The following SPEN variants were observed in gnomAD, a reference collection of about 807,000 sequenced individuals.
The protein encoded by SPEN is spen family transcriptional repressor.
A neutral mutation model predicts 269.9 loss-of-function variants in SPEN; 18 were observed. That is an observed-to-expected ratio of 0.07 (90% confidence interval 0.05 to 0.10). SPEN has a LOEUF of 0.10. Among genes scored for constraint, SPEN ranks in the 10% least tolerant of loss-of-function variants. The pLI, the probability that SPEN is intolerant of heterozygous loss-of-function variation, is 1.00. For synonymous variants in SPEN, 1,726 were observed against 1,765.7 expected (o/e 0.98, Z 0.56); for missense variants, 3,822 against 4,631.2 (o/e 0.83, Z 5.07).
In SPEN at chr1:15,848,473, G is replaced by A. The variant is rs921463135; in HGVS notation, c.83+323G>A. On this transcript the variant is annotated intron_variant, in intron 1 of 14. Coordinates refer to ENST00000375759, the MANE Select transcript of SPEN (RefSeq NM_015001.3). This position sits in a 1 kb window ranked among gnomAD's most constrained non-coding sequence, Gnocchi z 5.1. Reference sequence around the variant, plus strand: ...CCCTCGCGTCAGCCCGGGAGTCGGTGGGAGATGCGCTGGGCGGCGGGGTCG... The same window carrying A: ...CCCTCGCGTCAGCCCGGGAGTCGGTAGGAGATGCGCTGGGCGGCGGGGTCG... Among the ~76,000 whole-genome samples the A allele has an allele frequency of 6.6e-6, 1 of 151,378 alleles. No homozygotes were observed. Among genetic ancestry groups the A allele is most frequent in the Non-Finnish European group, 1.5e-5 (1 of 67,954 alleles).
At chr1:15,936,942 C>G (rs774727322) in intron 11 of SPEN, among the ~76,000 whole-genome samples, 2 of 152,096 alleles carry the variant, frequency 1.3e-5, no homozygotes, top group Non-Finnish European at 2.9e-5. Flanking sequence ...GGGGAGGGAG[C>G]TCTTGCTGGG....
intron 3 of SPEN, among the ~76,000 whole-genome samples, chr1:15,907,141 A>T (rs1270640898): frequency 3.3e-5 from 5 of 152,162 alleles, no homozygotes; most frequent in Non-Finnish European, 7.4e-5. Flanking sequence ...TTCTAGAAAC[A>T]TCTTTAGTTT....
chr1:15,854,108 T>C (rs1331891046), intron 1 of SPEN, among the ~76,000 whole-genome samples: 1 of 152,140 alleles, frequency 6.6e-6, no homozygotes, highest in Non-Finnish European at 1.5e-5. Context: ...GCCTGCTTGC[T>C]TTTATTTTTA....
intron 1 of SPEN, among the ~76,000 whole-genome samples, chr1:15,866,595 T>C (rs1254346298): frequency 6.6e-6 from 1 of 152,208 alleles, no homozygotes. Context: ...CCTCGTGATC[T>C]GCCTGCCTGG....
chr1:15,887,065 TC>T (rs1299883243), intron 3 of SPEN, among the ~76,000 whole-genome samples: 1 of 151,046 alleles, frequency 6.6e-6, no homozygotes, highest in Non-Finnish European at 1.5e-5. Flanking sequence ...AGCCTTGACT[TC>T]CTGGGCTCAA....
Position 15,933,860 on chromosome 1 carries a change from C to T in SPEN, c.7620C>T (p.Asp2540=), listed in dbSNP as rs1306149614. ...SSSTLRKILM[D]PKYVSATSVT... ...GCACCCTGAGGAAGATTCTCATGGA[C>T]CCCAAGTATGTGTCTGCCACAAGTG... Residue 2540 remains aspartate (D), a synonymous_variant, in exon 11 of 15, where the codon GAC becomes GAT. Transcript: ENST00000375759. The surrounding 1 kb of genome is among the most constrained non-coding windows in gnomAD (Gnocchi z 5.7). 6.2e-7 allele frequency: 1 copy of T among 1,613,660 alleles called. No homozygotes were observed. Among genetic ancestry groups the T allele is most frequent in the Admixed American group, 1.7e-5 (1 of 60,022 alleles).
At chr1:15,863,478 A>G (rs1330284654) in intron 1 of SPEN, among the ~76,000 whole-genome samples, 3 of 152,162 alleles carry the variant, frequency 2.0e-5, no homozygotes, top group Admixed American at 1.3e-4. Flanking sequence ...GGTTGAATTA[A>G]GCTTATTCTT....
chr1:15,891,777 G>T (rs72649629), intron 3 of SPEN, among the ~76,000 whole-genome samples: 1,740 of 151,610 alleles, frequency 0.011, 24 homozygotes, highest in Non-Finnish European at 0.014. Context: ...TGCATGAGCC[G>T]CTGTACCTGG....
intron 1 of SPEN, among the ~76,000 whole-genome samples, chr1:15,860,163 G>A (rs971671040): frequency 6.6e-6 from 1 of 151,434 alleles, no homozygotes; most frequent in Non-Finnish European, 1.5e-5. Flanking sequence ...CGCCCGCCTC[G>A]GCCTCCCAAA....
At chr1:15,896,931 G>C (rs763359212) in intron 3 of SPEN, among the ~76,000 whole-genome samples, 28 of 152,154 alleles carry the variant, frequency 1.8e-4, no homozygotes, top group Non-Finnish European at 4.0e-4. Context: ...GTGCACCTCT[G>C]CACTCCAGCC....
chr1:15,857,932 A>G (rs777652620), intron 1 of SPEN, among the ~76,000 whole-genome samples: 17 of 152,208 alleles, frequency 1.1e-4, no homozygotes, highest in Non-Finnish European at 1.5e-4. Flanking sequence ...GATCGAGACC[A>G]TCCTGGCCAA....
At position 15,872,826 on chromosome 1, in the gene SPEN, G is replaced by T; in HGVS notation, c.94G>T (p.Val32Leu). 1 of 1,489,858 alleles carries T rather than the reference G, an allele frequency of 6.7e-7. No individual in the cohort carries two copies. The highest frequency in any genetic ancestry group is 9.0e-7 in the Non-Finnish European group (1 of 1,112,458). The allele number at this position is 1,489,858 out of a possible 1,614,324, so 92.3% of individuals were successfully genotyped here. ...IIEHFKRYGR[V>L]ESVKILPKRG... ...CTTTATTTTTTCCAGATATGGCCGCGTGGAAAGTGTCAAAATTCTTCCCAA... is the reference window on the plus strand; with the variant it reads ...CTTTATTTTTTCCAGATATGGCCGCTTGGAAAGTGTCAAAATTCTTCCCAA... Residue 32 changes from valine to leucine, a missense_variant, in exon 2 of 15, where the codon GTG (valine) becomes TTG (leucine). By Grantham distance (32) the Val-to-Leu change is conservative. Transcript: ENST00000375759.
At chr1:15,886,479 G>C (rs1403160963) in intron 3 of SPEN, among the ~76,000 whole-genome samples, 1 of 152,180 alleles carries the variant, frequency 6.6e-6, no homozygotes, top group African/African-American at 2.4e-5. Flanking sequence ...GTCCAGGGGC[G>C]GGGCGCAGGG....
In SPEN at chr1:15,932,263, C is replaced by T. The variant is rs2071229316; in HGVS notation, c.6023C>T (p.Ala2008Val). The change falls in exon 11 of 15, where the codon GCT (alanine) becomes GTT (valine). Residue 2008 changes from alanine (A) to valine (V), a missense_variant. This residue lies in a region of SPEN where 727 missense variants were observed against 737.9 expected (regional missense o/e 0.99). Coordinates refer to ENST00000375759, the MANE Select transcript of SPEN (RefSeq NM_015001.3). The surrounding 1 kb of genome is among the most constrained non-coding windows in gnomAD (Gnocchi z 4.2). ...GGAAAAAATGAACCGAAGGTGGATG[C>T]TACACGTCCTGAGGCCACCACTGAG... Reference protein sequence around the residue: ...KKGKNEPKVDATRPEATTEVG... With the variant: ...KKGKNEPKVDVTRPEATTEVG... 6.2e-7 allele frequency: 1 copy of T among 1,610,530 alleles called. No individual in the cohort carries two copies. The highest frequency in any genetic ancestry group is 1.7e-5 in the Admixed American group (1 of 59,096).
At chr1:15,865,128 C>T (rs1461080614) in intron 1 of SPEN, among the ~76,000 whole-genome samples, 3 of 151,286 alleles carry the variant, frequency 2.0e-5, no homozygotes, top group Admixed American at 6.6e-5. Context: ...CTCAGCTTAC[C>T]GCAACCTCCG....
intron 3 of SPEN, among the ~76,000 whole-genome samples, chr1:15,890,703 C>A: frequency 6.6e-6 from 1 of 151,956 alleles, no homozygotes; most frequent in Non-Finnish European, 1.5e-5. Flanking sequence ...CAGCATTTTG[C>A]AACCATCACC....
At chr1:15,879,789 G>A (rs2070669444) in intron 3 of SPEN, among the ~76,000 whole-genome samples, 1 of 151,824 alleles carries the variant, frequency 6.6e-6, no homozygotes, top group Non-Finnish European at 1.5e-5. Flanking sequence ...TTCTGCCTCA[G>A]CCTCTCGAGT....
At chr1:15,882,346 C>T (rs951199575) in intron 3 of SPEN, among the ~76,000 whole-genome samples, 2 of 151,498 alleles carry the variant, frequency 1.3e-5, no homozygotes, top group Non-Finnish European at 3.0e-5. Flanking sequence ...ATTGGATTCC[C>T]GCCCCCCCAA....
At chr1:15,891,713 C>T (rs2070790938) in intron 3 of SPEN, among the ~76,000 whole-genome samples, 1 of 151,256 alleles carries the variant, frequency 6.6e-6, no homozygotes, top group South Asian at 2.1e-4. Context: ...TGGTCTAGGT[C>T]TCATGACCTC....
Sources: allele counts gnomAD v4.1 joint callset (sites outside exome capture counted in the v4.1 genomes callset), GRCh38; gene constraint gnomAD v4.1.1; regional missense constraint gnomAD v4.1.1; non-coding constraint Gnocchi (gnomAD v3.1); transcripts MANE v1.5; gene names NCBI Gene and HGNC (gene_info 2026-07-23, HGNC 2026-07-21).